ROBO3: variants seen among roughly 807,000 people sequenced by gnomAD.
The protein encoded by ROBO3 is roundabout homolog 3.
In ROBO3, 97 loss-of-function variants were observed where a neutral mutation model predicts 160.5. The observed-to-expected ratio is 0.60, with a 90% confidence interval of 0.51 to 0.72. The LOEUF (loss-of-function observed/expected upper bound fraction) is 0.72, where lower values mean the gene tolerates loss of function less well. ROBO3 is among the 30% of genes least tolerant of loss of function. The pLI, the probability that ROBO3 is intolerant of heterozygous loss-of-function variation, is 0.00. For synonymous variants in ROBO3, 780 were observed against 746.2 expected, an observed-to-expected ratio of 1.05 and a Z score of -0.74; for missense variants, 1,858 against 1,846.5, an observed-to-expected ratio of 1.01 and a Z score of -0.11.
intron 17 of ROBO3, 44 bp from the exon 18 acceptor site, chr11:124,877,114 TCTC>T (rs766970966): frequency 1.1e-5 from 18 of 1,606,994 alleles, no homozygotes; most frequent in East Asian, 2.2e-5. Flanking sequence ...TTCTGACCCT[TCTC>T]CTCATTTCAC....
intron 1 of ROBO3, among the ~76,000 whole-genome samples, chr11:124,866,482 C>T (rs1203806736): frequency 6.6e-6 from 1 of 152,236 alleles, no homozygotes; most frequent in Non-Finnish European, 1.5e-5. Context: ...TCGGGAACCC[C>T]CGCTTTACCG....
chr11:124,878,685 C>G lies in ROBO3; in HGVS notation c.3422C>G (p.Thr1141Ser). The change falls in exon 23 of 28, where the codon ACC (threonine) becomes AGC (serine). Residue 1141 changes from threonine (T) to serine (S), a missense_variant. By Grantham distance (58) the Thr-to-Ser change is moderately conservative. Coordinates refer to ENST00000397801, the MANE Select transcript of ROBO3 (RefSeq NM_022370.4). This position sits in a 1 kb window ranked among gnomAD's most constrained non-coding sequence, Gnocchi z 4.3. ...CTGGTCACCCCATCCCGAAGGGAAA[C>G]CCCCTCTCCCACACCTTCCTATGGA... ...GCLVTPSRRE[T>S]PSPTPSYGQQ... 2.5e-6 allele frequency: 4 copies of G among 1,613,696 alleles called. No homozygotes were observed. Among genetic ancestry groups the G allele is most frequent in the Non-Finnish European group, 2.5e-6 (3 of 1,179,762 alleles).
chr11:124,880,639 G>A, intron 27 of ROBO3, 31 bp downstream of exon 27: 1 of 1,504,526 alleles, frequency 6.6e-7, no homozygotes, highest in Non-Finnish European at 8.9e-7. Flanking sequence ...AAAAATGAGG[G>A]CAGAGGACTA....
At position 124,865,520 on chromosome 11, in the gene ROBO3, TCTCAGACCCAGGGGCTGGGCCCCCAGCC is replaced by T; in HGVS notation, c.-56_-29del. 1 of 1,564,922 alleles carries T rather than the reference TCTCAGACCCAGGGGCTGGGCCCCCAGCC, an allele frequency of 6.4e-7. No homozygotes were observed. The highest frequency in any genetic ancestry group is 1.8e-5 in the Admixed American group (1 of 56,384). On this transcript the variant is annotated 5_prime_UTR_variant, in exon 1 of 28. Transcript: ENST00000397801. This position sits in a 1 kb window ranked among gnomAD's most constrained non-coding sequence, Gnocchi z 5.5. ...GGGCTTACGGCTCCCAGCCCACGGG[TCTCAGACCCAGGGGCTGGGCCCCCAGCC>T]CCCAGTCCCGATCCCAGCTGGGTCG...
Position 124,870,683 on chromosome 11 carries a change from A to AACAGTGTGGGCC in ROBO3, c.989_1000dup (p.Gly333_Arg334insHisSerValGly). 6.2e-7 allele frequency: 1 copy of AACAGTGTGGGCC among 1,612,966 alleles called. No individual in the cohort carries two copies. Among genetic ancestry groups the AACAGTGTGGGCC allele is most frequent in the East Asian group, 2.2e-5 (1 of 44,842 alleles). On this transcript the variant is annotated inframe_insertion, in exon 6 of 28. Coordinates refer to ENST00000397801, the MANE Select transcript of ROBO3 (RefSeq NM_022370.4). ...GGGAACGTACACCTGTGTGGCGGAG[A>AACAGTGTGGGCC]ACAGTGTGGGCCGCGCTGAAGCATC... is the stretch of plus-strand genomic sequence containing the variant.
At position 124,879,267 on chromosome 11, in the gene ROBO3, G is replaced by C. The variant is rs779665405; in HGVS notation, c.3611G>C (p.Gly1204Ala). Residue 1204 changes from glycine to alanine, a missense_variant, in exon 24 of 28, where the codon GGC becomes GCC. Physicochemically the swap from Gly to Ala is moderately conservative, Grantham distance 60. Coordinates refer to ENST00000397801, the MANE Select transcript of ROBO3 (RefSeq NM_022370.4). Reference sequence around the variant, plus strand: ...GGCATCCGTGAAGCGAGGCCTGCTGGCTTGGGTGCTGGCCCTGCAGCCTCA... The same window carrying C: ...GGCATCCGTGAAGCGAGGCCTGCTGCCTTGGGTGCTGGCCCTGCAGCCTCA... ...MLGIREARPAGLGAGPAASPH... is the reference protein window; with the variant it reads ...MLGIREARPAALGAGPAASPH... 12 of 1,582,936 alleles carry C rather than the reference G, an allele frequency of 7.6e-6. No individual in the cohort carries two copies. In the South Asian group the frequency reaches 1.4e-4, roughly 18 times the overall value.
Position 124,869,691 on chromosome 11 carries a change from G to C in ROBO3, c.645+84G>C, listed in dbSNP as rs1468252520. The C allele has an allele frequency of 9.9e-6, 14 of 1,420,498 alleles. No individual in the cohort carries two copies. Among genetic ancestry groups the C allele is most frequent in the Non-Finnish European group, 1.3e-5 (14 of 1,056,134 alleles). The allele number at this position is 1,420,498 out of a possible 1,614,324, so 88.0% of individuals were successfully genotyped here. On this transcript the variant is annotated intron_variant, in intron 3 of 27. Coordinates refer to ENST00000397801, the MANE Select transcript of ROBO3 (RefSeq NM_022370.4). The surrounding 1 kb of genome is among the most constrained non-coding windows in gnomAD (Gnocchi z 4.2). ...TGACAAGGCTGGAGATTGAGATCAG[G>C]GCATTAGCTAACCAGAGACTAAGAG...
rs749780166 is a variant in ROBO3, at chr11:124,872,918, G to A, written c.1365G>A (p.Gln455=). The change falls in exon 9 of 28, where the codon CAG becomes CAA. Residue 455 remains glutamine, a synonymous_variant. Coordinates refer to ENST00000397801, the MANE Select transcript of ROBO3 (RefSeq NM_022370.4). The surrounding 1 kb of genome is among the most constrained non-coding windows in gnomAD (Gnocchi z 4.3). The stretch of plus-strand genomic sequence containing the variant: ...ATGGGCTGCCTCCTGTCATCCTCCA[G>A]GGACCAGCCAATCAGACGCTGGTGC... The part of the protein sequence containing the change: ...SLDGLPPVIL[Q]GPANQTLVLG... The A allele has an allele frequency of 6.2e-7, 1 of 1,611,046 alleles. No homozygotes were observed. The highest frequency in any genetic ancestry group is 8.5e-7 in the Non-Finnish European group (1 of 1,179,082).
Position 124,869,155 on chromosome 11 carries a change from T to C in ROBO3, c.487+27T>C, listed in dbSNP as rs1280195941. ...TGAGAGTCAGTTGACCGTCAGCTGGTTGCTTCCAGAGCCTGGGGTAGGCGG... is the reference window on the plus strand; with the variant it reads ...TGAGAGTCAGTTGACCGTCAGCTGGCTGCTTCCAGAGCCTGGGGTAGGCGG... On this transcript the variant is annotated intron_variant, in intron 2 of 27. Coordinates refer to ENST00000397801, the MANE Select transcript of ROBO3 (RefSeq NM_022370.4). The surrounding 1 kb of genome is among the most constrained non-coding windows in gnomAD (Gnocchi z 4.2). 1 of 1,514,640 alleles carries C rather than the reference T, an allele frequency of 6.6e-7. No individual in the cohort carries two copies. Among genetic ancestry groups the C allele is most frequent in the South Asian group, 1.3e-5 (1 of 75,468 alleles). The allele number at this position is 1,514,640 out of a possible 1,614,324, so 93.8% of individuals were successfully genotyped here.
Position 124,877,741 on chromosome 11 carries a change from G to A in ROBO3, c.2986+83G>A, listed in dbSNP as rs750306397. On this transcript the variant is annotated intron_variant, in intron 20 of 27. Transcript: ENST00000397801. The stretch of plus-strand genomic sequence containing the variant: ...CAAACCGAAGGGCGCCCGGGAGCCC[G>A]GTCTCTCTGAGGTTGGTCAGTCCCT... 5.9e-6 allele frequency: 9 copies of A among 1,538,048 alleles called. No individual in the cohort carries two copies. In the South Asian group the frequency reaches 9.5e-5, roughly 16 times the overall value.
chr11:124,872,771 G>A lies in ROBO3; in HGVS notation c.1331-113G>A, dbSNP rs529531687. 330 of 1,026,108 alleles carry A rather than the reference G, an allele frequency of 3.2e-4. 1 individual carries two copies. The African/African-American group carries it at 3.9e-3, about 12-fold the overall frequency. 63.6% of individuals were successfully genotyped at this position (1,026,108 alleles called of 1,614,324 possible). A position where few individuals can be genotyped will look rare whatever the true frequency, so the allele number is the denominator to read the frequency against. The stretch of plus-strand genomic sequence containing the variant: ...ATTATCAAAGCCCCCTCTGATCACC[G>A]GAAGTTTCAGGGGCTGGGGTAGGGA... On this transcript the variant is annotated intron_variant, in intron 8 of 27. Transcript: ENST00000397801. The surrounding 1 kb of genome is among the most constrained non-coding windows in gnomAD (Gnocchi z 4.3).
Position 124,876,945 on chromosome 11 carries a change from C to A in ROBO3, c.2780-216C>A. On this transcript the variant is annotated intron_variant, in intron 17 of 27. Transcript: ENST00000397801. This position sits in a 1 kb window ranked among gnomAD's most constrained non-coding sequence, Gnocchi z 5.3. ...TGAGGTGTTTGAGGTCAGTGGTTTT[C>A]AATCTTGGTTGGCTACACATAGGAA... 1 of 639,632 alleles carries A rather than the reference C, an allele frequency of 1.6e-6. No individual in the cohort carries two copies. 39.6% of individuals were successfully genotyped at this position (639,632 alleles called of 1,614,324 possible). A position where few individuals can be genotyped will look rare whatever the true frequency, so the allele number is the denominator to read the frequency against.
In ROBO3 at chr11:124,868,049, A is replaced by G. The variant is rs1433636922; in HGVS notation, c.161-753A>G. Among the ~76,000 whole-genome samples the G allele has an allele frequency of 2.0e-5, 3 of 152,354 alleles. No homozygotes were observed. The East Asian group carries it at 5.8e-4, about 29-fold the overall frequency. On this transcript the variant is annotated intron_variant, in intron 1 of 27. Coordinates refer to ENST00000397801, the MANE Select transcript of ROBO3 (RefSeq NM_022370.4). ...TGTGGATGAACTGATCGGAGTGAAC[A>G]GGGGAAGTAGAGGAACATCAATCAG...
rs1946505980 is a variant in ROBO3, at chr11:124,879,569, C to T, written c.3790C>T (p.Pro1264Ser). The stretch of plus-strand genomic sequence containing the variant: ...TCTTCCCTACAGGAGGGAGAACAGT[C>T]CTGGGGGTGAGGGGGGATGCACCTG... ...KALPYRRENS[P>S]GDLPPPPLPP... Residue 1264 changes from proline (P) to serine (S), a missense_variant, in exon 25 of 28, where the codon CCT becomes TCT. Coordinates refer to ENST00000397801, the MANE Select transcript of ROBO3 (RefSeq NM_022370.4). 6.2e-7 allele frequency: 1 copy of T among 1,612,362 alleles called. No homozygotes were observed. Among genetic ancestry groups the T allele is most frequent in the East Asian group, 2.2e-5 (1 of 44,854 alleles).
Position 124,878,848 on chromosome 11 carries a change from CTCAGTAGATGACTGGGTGGGTGGATGGA to C in ROBO3, c.3533+54_3533+81del. ...ATTGCAAGCCCTCTATACGTATCTA[CTCAGTAGATGACTGGGTGGGTGGATGGA>C]TGGATGGGTGGATGGATCTGGGGTA... On this transcript the variant is annotated intron_variant, in intron 23 of 27. Coordinates refer to ENST00000397801, the MANE Select transcript of ROBO3 (RefSeq NM_022370.4). This position sits in a 1 kb window ranked among gnomAD's most constrained non-coding sequence, Gnocchi z 4.3. 7.0e-7 allele frequency: 1 copy of C among 1,431,850 alleles called. No individual in the cohort carries two copies. Among genetic ancestry groups the C allele is most frequent in the South Asian group, 1.2e-5 (1 of 84,446 alleles). 88.7% of individuals were successfully genotyped at this position (1,431,850 alleles called of 1,614,324 possible).
chr11:124,867,159 G>T (rs1003941484), intron 1 of ROBO3, among the ~76,000 whole-genome samples: 1 of 152,106 alleles, frequency 6.6e-6, no homozygotes, highest in African/African-American at 2.4e-5. Flanking sequence ...ACACCTGAGG[G>T]CTATACCAAG....
In ROBO3 at chr11:124,873,656, C is replaced by T; in HGVS notation, c.1619-41C>T. ...GGAGACAGGTTACACTAGGATTATCCTTTCCCTATCTTTCTACTTAAAGAT... is the reference window on the plus strand; with the variant it reads ...GGAGACAGGTTACACTAGGATTATCTTTTCCCTATCTTTCTACTTAAAGAT... On this transcript the variant is annotated intron_variant, in intron 10 of 27. Coordinates refer to ENST00000397801, the MANE Select transcript of ROBO3 (RefSeq NM_022370.4). This position sits in a 1 kb window ranked among gnomAD's most constrained non-coding sequence, Gnocchi z 4.5. 1 of 1,555,676 alleles carries T rather than the reference C, an allele frequency of 6.4e-7. No homozygotes were observed.
Position 124,865,696 on chromosome 11 carries a change from T to C in ROBO3, c.119T>C (p.Leu40Pro). 6.2e-7 allele frequency: 1 copy of C among 1,611,402 alleles called. No homozygotes were observed. The highest frequency in any genetic ancestry group is 8.5e-7 in the Non-Finnish European group (1 of 1,179,152). Residue 40 changes from leucine to proline, a missense_variant, in exon 1 of 28, where the codon CTC becomes CCC. Physicochemically the swap from Leu to Pro is moderately conservative, Grantham distance 98 (BLOSUM62 -3). Transcript: ENST00000397801. The surrounding 1 kb of genome is among the most constrained non-coding windows in gnomAD (Gnocchi z 5.5). ...GGCTTCAACTCCTCGCTGGCGGCGC[T>C]CAACCACACCCTGCTGCCTCCCGGC... ...LLGFNSSLAA[L>P]NHTLLPPGDP...
chr11:124,869,468 G>A lies in ROBO3; in HGVS notation c.506G>A (p.Arg169Gln), dbSNP rs918830585. Residue 169 changes from arginine (R) to glutamine (Q), a missense_variant, in exon 3 of 28, where the codon CGG (arginine) becomes CAG (glutamine). Coordinates refer to ENST00000397801, the MANE Select transcript of ROBO3 (RefSeq NM_022370.4). The surrounding 1 kb of genome is among the most constrained non-coding windows in gnomAD (Gnocchi z 4.2). Reference protein sequence around the residue: ...LEVAVLRDDFRQSPGNVVVAV... With the variant: ...LEVAVLRDDFQQSPGNVVVAV... The stretch of plus-strand genomic sequence containing the variant: ...CGCCCAGTCCTCCGTGATGATTTCC[G>A]GCAGTCTCCTGGAAACGTGGTGGTG... 4 of 1,427,590 alleles carry A rather than the reference G, an allele frequency of 2.8e-6. No individual in the cohort carries two copies. The highest frequency in any genetic ancestry group is 3.8e-6 in the Non-Finnish European group (4 of 1,061,750). 88.4% of individuals were successfully genotyped at this position (1,427,590 alleles called of 1,614,324 possible). A position where few individuals can be genotyped will look rare whatever the true frequency, so the allele number is the denominator to read the frequency against.
Sources: gnomAD v4.1 joint callset for allele counts (sites outside exome capture counted in the v4.1 genomes callset) on GRCh38, gnomAD v4.1.1 for gene constraint, Gnocchi (gnomAD v3.1) non-coding constraint, MANE v1.5 for transcripts, NCBI Gene and HGNC (gene_info 2026-07-23, HGNC 2026-07-21) for gene names.